The following CREB5 variants were observed in gnomAD, a reference collection of about 807,000 sequenced individuals.
The protein encoded by CREB5 is cAMP responsive element binding protein 5.
Under a neutral mutation model 57.1 loss-of-function variants are expected in CREB5, and 19 were observed. The observed-to-expected ratio is 0.33, with a 90% CI of 0.23 to 0.49. The LOEUF (loss-of-function observed/expected upper bound fraction) is 0.49, where lower values mean the gene tolerates loss of function less well. Among genes scored for constraint, CREB5 ranks in the 20% least tolerant of loss-of-function variants. The probability of loss-of-function intolerance (pLI) is 0.99; values close to 1 mark genes in which losing one functional copy is unlikely to be tolerated. For synonymous variants in CREB5, 238 were observed against 238.3 expected (o/e 1.00, Z 0.01); for missense variants, 579 against 671.6 (o/e 0.86, Z 1.52).
rs561051154 is a variant in CREB5 at position 28,514,382 on chromosome 7, TTTTA to T, written c.291+6649_291+6652del. Among the ~76,000 whole-genome samples the T allele has an allele frequency of 1.8e-4, 28 of 152,032 alleles. No individual in the cohort carries two copies. The South Asian group carries it at 2.1e-3, about 11-fold the overall frequency. ...AATTATTTAAATTATTTATCACAGG[TTTTA>T]TTTGTTTTATTTATTTTTTATTTTT... is the stretch of plus-strand genomic sequence containing the variant. On this transcript the variant is annotated intron_variant, in intron 4 of 10. Transcript: ENST00000357727.
intron 1 of CREB5, among the ~76,000 whole-genome samples, chr7:28,388,657 C>CA (rs1195300085): frequency 2.0e-5 from 3 of 151,998 alleles, no homozygotes; most frequent in Non-Finnish European, 2.9e-5. Context: ...AACTAAGGCG[C>CA]AAAAAAATTA....
At chr7:28,531,656 T>C (rs1397396788) in intron 4 of CREB5, among the ~76,000 whole-genome samples, 2 of 152,146 alleles carry the variant, frequency 1.3e-5, no homozygotes, top group African/African-American at 4.8e-5. Flanking sequence ...CGTAACACCA[T>C]CTCATAGACT....
intron 4 of CREB5, among the ~76,000 whole-genome samples, chr7:28,568,313 G>T (rs1173320511): frequency 6.6e-6 from 1 of 152,200 alleles, no homozygotes; most frequent in Non-Finnish European, 1.5e-5. Context: ...GTCAAAAATG[G>T]TTCTGTGCCT....
At position 28,824,785 on chromosome 7, in the gene CREB5, C is replaced by A. The variant is rs1489793123; in HGVS notation, c.*5506C>A. The A allele has an allele frequency of 1.3e-5, 2 of 152,516 alleles. No individual in the cohort carries two copies. Among genetic ancestry groups the A allele is most frequent in the Non-Finnish European group, 2.9e-5 (2 of 68,012 alleles). The allele number at this position is 152,516 out of a possible 1,614,324, so 9.4% of individuals were successfully genotyped here. A position where few individuals can be genotyped will look rare whatever the true frequency, so the allele number is the denominator to read the frequency against. On this transcript the variant is annotated 3_prime_UTR_variant, in exon 11 of 11. Transcript: ENST00000357727. ...TCTATTTTTTAAAAAAGCTATTTAACCACAGCTGAAGTGGGGGGTAAGGCC... is the reference window on the plus strand; with the variant it reads ...TCTATTTTTTAAAAAAGCTATTTAAACACAGCTGAAGTGGGGGGTAAGGCC...
chr7:28,531,093 T>C (rs1488583263), intron 4 of CREB5, among the ~76,000 whole-genome samples: 1 of 152,132 alleles, frequency 6.6e-6, no homozygotes, highest in Non-Finnish European at 1.5e-5. Flanking sequence ...ATATAATGTT[T>C]TGGGGAAAGC....
At chr7:28,554,960 G>A (rs1697300935) in intron 4 of CREB5, among the ~76,000 whole-genome samples, 1 of 152,164 alleles carries the variant, frequency 6.6e-6, no homozygotes, top group South Asian at 2.1e-4. Context: ...ATTGGATCAT[G>A]TCACAAAAAT....
chr7:28,692,572 T>G lies in CREB5; in HGVS notation c.465-26181T>G, dbSNP rs547854499. ...TGACTTTGACAAACCACTTCACCTCTCTGTGCCACAGTTTCTATCTTCTCT... is the reference window on the plus strand; with the variant it reads ...TGACTTTGACAAACCACTTCACCTCGCTGTGCCACAGTTTCTATCTTCTCT... On this transcript the variant is annotated intron_variant, in intron 5 of 10. Coordinates refer to ENST00000357727, the MANE Select transcript of CREB5 (RefSeq NM_182898.4). Among the ~76,000 whole-genome samples, 46 of 152,302 alleles carry G rather than the reference T, an allele frequency of 3.0e-4. 1 individual carries two copies. The highest frequency in any genetic ancestry group is 1.1e-3 in the African/African-American group (46 of 41,576).
intron 5 of CREB5, among the ~76,000 whole-genome samples, chr7:28,587,330 T>C (rs1371517661): frequency 1.3e-5 from 2 of 152,174 alleles, no homozygotes; most frequent in South Asian, 2.1e-4. Flanking sequence ...AATCCACCGA[T>C]GCAGGGATCA....
At chr7:28,739,656 G>T (rs1804226180) in intron 7 of CREB5, among the ~76,000 whole-genome samples, 1 of 152,194 alleles carries the variant, frequency 6.6e-6, no homozygotes, top group Non-Finnish European at 1.5e-5. Context: ...TTAGAGGACA[G>T]ACTGGTTAGT....
chr7:28,592,082 A>G (rs1796541347), intron 5 of CREB5, among the ~76,000 whole-genome samples: 2 of 152,228 alleles, frequency 1.3e-5, no homozygotes, highest in Admixed American at 6.5e-5. Flanking sequence ...CACAGAGCAG[A>G]TAGACAGGTA....
At chr7:28,571,680 G>C (rs1010175395) in intron 5 of CREB5, among the ~76,000 whole-genome samples, 10 of 152,136 alleles carry the variant, frequency 6.6e-5, no homozygotes, top group Non-Finnish European at 1.3e-4. Context: ...GCATTTCCAG[G>C]GAGCTTCTCA....
chr7:28,445,169 T>G (rs1224685739), intron 1 of CREB5, among the ~76,000 whole-genome samples: 1 of 152,220 alleles, frequency 6.6e-6, no homozygotes, highest in Non-Finnish European at 1.5e-5. Flanking sequence ...CTGCCATGAT[T>G]GTAAAGCCTC....
rs56956362 is a variant in CREB5, at chr7:28,638,264, GAC to G, written c.464+67756_464+67757del. ...ATTGCTATCTTAAAGAAAGAAACTA[GAC>G]ACACACACACACACACACACACACA... On this transcript the variant is annotated intron_variant, in intron 5 of 10. Transcript: ENST00000357727. Among the ~76,000 whole-genome samples, 257 of 145,720 alleles carry G rather than the reference GAC, an allele frequency of 1.8e-3. 1 individual carries two copies. Among genetic ancestry groups the G allele is most frequent in the East Asian group, 0.01 (52 of 5,002 alleles).
chr7:28,352,077 G>C (rs1323145430), intron 1 of CREB5, among the ~76,000 whole-genome samples: 1 of 152,176 alleles, frequency 6.6e-6, no homozygotes, highest in South Asian at 2.1e-4. Flanking sequence ...TCATTTGAAG[G>C]CATAGAGCTG....
chr7:28,530,858 A>G (rs1354330773), intron 4 of CREB5, among the ~76,000 whole-genome samples: 3 of 152,146 alleles, frequency 2.0e-5, no homozygotes, highest in Admixed American at 2.0e-4. Flanking sequence ...GAGGAAAGGG[A>G]TAGTGGTGGC....
intron 7 of CREB5, among the ~76,000 whole-genome samples, chr7:28,780,671 G>A (rs531181204): frequency 2.6e-5 from 4 of 152,210 alleles, no homozygotes; most frequent in African/African-American, 7.2e-5. Context: ...GCAGTGTGCC[G>A]AGATCGTGTA....
At chr7:28,365,026 C>T (rs1786558911) in intron 1 of CREB5, among the ~76,000 whole-genome samples, 1 of 152,166 alleles carries the variant, frequency 6.6e-6, no homozygotes, top group African/African-American at 2.4e-5. Flanking sequence ...CCATTCAACA[C>T]CCTGAATCTC....
intron 1 of CREB5, among the ~76,000 whole-genome samples, chr7:28,396,038 G>A (rs925052055): frequency 6.6e-6 from 1 of 152,166 alleles, no homozygotes; most frequent in South Asian, 2.1e-4. Context: ...CCTAGAAACA[G>A]CAGGATTGCC....
rs1363672046 is a variant in CREB5, at chr7:28,819,323, C to CATG, written c.*45_*47dup. The CATG allele has an allele frequency of 9.6e-6, 15 of 1,565,528 alleles. No homozygotes were observed. Among genetic ancestry groups the CATG allele is most frequent in the Admixed American group, 3.9e-5 (2 of 51,190 alleles). ...GCCTCCAAGAAGAGCTGTAGCGTACCATGCGTCCTTTCTTTTAAGGGCATT... is the reference window on the plus strand; with the variant it reads ...GCCTCCAAGAAGAGCTGTAGCGTACCATGATGCGTCCTTTCTTTTAAGGGCATT... On this transcript the variant is annotated 3_prime_UTR_variant, in exon 11 of 11. Coordinates refer to ENST00000357727, the MANE Select transcript of CREB5 (RefSeq NM_182898.4).
Sources: gnomAD v4.1 joint callset for allele counts (sites outside exome capture counted in the v4.1 genomes callset) on GRCh38, gnomAD v4.1.1 for gene constraint, MANE v1.5 for transcripts, NCBI Gene and HGNC (gene_info 2026-07-23, HGNC 2026-07-21) for gene names.